PABIR3: variants seen among roughly 807,000 people sequenced by gnomAD.
PABIR3 encodes PABIR family member 3.
Under a neutral mutation model 23.1 loss-of-function variants are expected in PABIR3, and 20 were observed. That is an observed-to-expected ratio of 0.86 (90% CI 0.61 to 1.26). The LOEUF is 1.26. PABIR3 is among the 50% of genes most tolerant of loss of function. The pLI, the probability that PABIR3 is intolerant of heterozygous loss-of-function variation, is 0.00. For synonymous variants in PABIR3, 69 were observed against 68.5 expected, an observed-to-expected ratio of 1.01 and a Z score of -0.04; for missense variants, 189 against 195.4, an observed-to-expected ratio of 0.97 and a Z score of 0.20.
At chrX:134,845,314 A>G (rs2082396817) in intron 5 of PABIR3, 33 bp from the exon 6 acceptor site, 2 of 1,197,720 alleles carry the variant, frequency 1.7e-6, no homozygotes, top group African/African-American at 3.5e-5. Context: ...TTTCTTTCAG[A>G]TAGGCAAACT....
chrX:134,810,122 G>T (rs2080559430), intron 2 of PABIR3: 1 of 753,797 alleles, frequency 1.3e-6, no homozygotes, highest in Non-Finnish European at 1.6e-6. Flanking sequence ...GAAGAAATAG[G>T]TTGCAAATAG....
intron 2 of PABIR3, among the ~76,000 whole-genome samples, chrX:134,814,340 G>A (rs1459451042): frequency 8.9e-6 from 1 of 111,876 alleles, no homozygotes; most frequent in Non-Finnish European, 1.9e-5. Context: ...GTGTGTGTGT[G>A]TTTTAATTTC....
At chrX:134,810,086 T>C in intron 2 of PABIR3, 9 of 753,723 alleles carry the variant, frequency 1.2e-5, no homozygotes, top group Non-Finnish European at 1.4e-5. Flanking sequence ...GGGAGAATGT[T>C]GGATTTATTG....
chrX:134,809,818 G>T (rs2080531138), intron 2 of PABIR3: 1 of 752,225 alleles, frequency 1.3e-6, no homozygotes, highest in East Asian at 1.5e-4. Context: ...TACCTAAGCT[G>T]ATTAACTCTA....
intron 6 of PABIR3, 80 bp from the exon 7 acceptor site, chrX:134,847,296 ACTCACTT>A: frequency 4.6e-6 from 3 of 658,221 alleles, no homozygotes; most frequent in Non-Finnish European, 7.1e-6. Context: ...AGTAGTAAGG[ACTCACTT>A]CCCTGTGCAA....
intron 2 of PABIR3, chrX:134,809,896 TAAGATTGACCA>T: frequency 1.3e-6 from 1 of 753,326 alleles, no homozygotes; most frequent in Non-Finnish European, 1.6e-6. Context: ...AAAAGCAAAC[TAAGATTGACCA>T]AAAAAAAATA....
At chrX:134,836,423 C>T (rs765578090) in intron 4 of PABIR3, among the ~76,000 whole-genome samples, 16 of 112,511 alleles carry the variant, frequency 1.4e-4, no homozygotes, top group Non-Finnish European at 2.8e-4. Context: ...ACAAACTGGG[C>T]GGCTTAAACA....
chrX:134,796,606 G>C (rs1603099209), upstream of PABIR3: 1 of 89,588 alleles, frequency 1.1e-5, no homozygotes, highest in African/African-American at 4.1e-5. Context: ...GAAAGGGAGA[G>C]GAAGGGGGCG....
chrX:134,798,030 AGGCTGGT>A (rs1305634817), intron 1 of PABIR3, among the ~76,000 whole-genome samples: 18 of 111,259 alleles, frequency 1.6e-4, no homozygotes, highest in African/African-American at 4.9e-4. Context: ...CATGTTGGCT[AGGCTGGT>A]CTCGAACTCC....
intron 3 of PABIR3, among the ~76,000 whole-genome samples, chrX:134,816,946 G>A (rs1024972714): frequency 9.0e-6 from 1 of 111,397 alleles, no homozygotes; most frequent in Admixed American, 9.5e-5. Flanking sequence ...AGGCCAAGGC[G>A]GGAGGATCAC....
intron 3 of PABIR3, among the ~76,000 whole-genome samples, chrX:134,826,117 A>G (rs1318047953): frequency 1.8e-5 from 2 of 111,126 alleles, no homozygotes; most frequent in African/African-American, 6.5e-5. Flanking sequence ...AACAGAGTAG[A>G]TCATTTTCCC....
In PABIR3 at chrX:134,807,429, TTAGGGCTGC is replaced by T. The variant is rs1187726937; in HGVS notation, c.-60+98_-59-93del. Reference sequence around the variant, plus strand: ...CTGCCTAACTTTGTGTTCACTGATGTTAGGGCTGCTAGGGCTGCAAAGGTGGGCACCCCT... The same window carrying T: ...CTGCCTAACTTTGTGTTCACTGATGTTAGGGCTGCAAAGGTGGGCACCCCT... On this transcript the variant is annotated intron_variant, in intron 1 of 10. Coordinates refer to ENST00000645433, the MANE Select transcript of PABIR3 (RefSeq NM_001388447.1). The T allele has an allele frequency of 7.6e-6, 8 of 1,054,116 alleles. No homozygotes were observed. In the African/African-American group the frequency reaches 9.5e-5, roughly 13 times the overall value. 86.9% of individuals were successfully genotyped at this position (1,054,116 alleles called of 1,213,427 possible).
intron 3 of PABIR3, 97 bp from the exon 4 acceptor site, chrX:134,829,128 TA>T: frequency 1.4e-6 from 1 of 710,318 alleles, no homozygotes; most frequent in Non-Finnish European, 2.2e-6. Context: ...CATAAGACAC[TA>T]AATAAATATT....
chrX:134,848,370 A>T (rs975724493), intron 8 of PABIR3, among the ~76,000 whole-genome samples: 3 of 109,663 alleles, frequency 2.7e-5, no homozygotes, highest in African/African-American at 3.3e-5. Flanking sequence ...AGCCTGGGCA[A>T]CAAGAGCAAA....
chrX:134,848,066 A>G, intron 8 of PABIR3, 95 bp downstream of exon 8: 1 of 727,153 alleles, frequency 1.4e-6, no homozygotes, highest in Admixed American at 3.1e-5. Context: ...GTGCCAACCA[A>G]AGAAGTGACT....
intron 4 of PABIR3, among the ~76,000 whole-genome samples, chrX:134,841,943 C>T (rs2082248882): frequency 1.8e-5 from 2 of 112,007 alleles, no homozygotes; most frequent in South Asian, 7.4e-4. Context: ...GCTGAGATTG[C>T]ACCACTGCAC....
At position 134,810,049 on chromosome X, in the gene PABIR3, C is replaced by T. The variant is rs758682307; in HGVS notation, c.110+2341C>T. ...TTGTGGGAAAAAGGAATTATGGGAC[C>T]CACTCTACTAGTAGAAGAGAGCAGT... On this transcript the variant is annotated intron_variant, in intron 2 of 10. Coordinates refer to ENST00000645433, the MANE Select transcript of PABIR3 (RefSeq NM_001388447.1). The T allele has an allele frequency of 4.0e-6, 3 of 751,817 alleles. No homozygotes were observed. The African/African-American group carries it at 6.9e-5, about 17-fold the overall frequency. 62.0% of individuals were successfully genotyped at this position (751,817 alleles called of 1,213,427 possible).
At chrX:134,844,578 A>G (rs1216121009) in intron 4 of PABIR3, among the ~76,000 whole-genome samples, 2 of 111,814 alleles carry the variant, frequency 1.8e-5, no homozygotes, top group Non-Finnish European at 1.9e-5. Context: ...GGAAGAAAGA[A>G]CACATTACTC....
chrX:134,816,957 C>G (rs1181219674), intron 3 of PABIR3, among the ~76,000 whole-genome samples: 1 of 111,265 alleles, frequency 9.0e-6, no homozygotes, highest in African/African-American at 3.3e-5. Context: ...GGAGGATCAC[C>G]TGAGGTCAGG....
Sources: allele counts gnomAD v4.1 joint callset (sites outside exome capture counted in the v4.1 genomes callset), GRCh38; gene constraint gnomAD v4.1.1; transcripts MANE v1.5; gene names NCBI Gene and HGNC (gene_info 2026-07-23, HGNC 2026-07-21).